The following PTPRT variants were observed in gnomAD, a reference collection of about 807,000 sequenced individuals.
The protein encoded by PTPRT is receptor-type tyrosine-protein phosphatase T.
A neutral mutation model predicts 176.8 loss-of-function variants in PTPRT; 56 were observed. The ratio of observed to expected loss-of-function variants is 0.32; its 90% CI spans 0.26 to 0.40. The LOEUF is 0.40. PTPRT is among the 10% of genes least tolerant of loss of function. The pLI is 1.00. For synonymous variants in PTPRT, 783 were observed against 739.0 expected, an observed-to-expected ratio of 1.06 and a Z score of -0.96; for missense variants, 1,540 against 1,908.2, an observed-to-expected ratio of 0.81 and a Z score of 3.60.
chr20:42,335,769 A>G (rs1349058093), intron 11 of PTPRT, among the ~76,000 whole-genome samples: 1 of 152,212 alleles, frequency 6.6e-6, no homozygotes, highest in Non-Finnish European at 1.5e-5. Context: ...GGAAAAATGT[A>G]TGAATAGTTT....
chr20:42,388,994 G>T (rs957939833), intron 9 of PTPRT, among the ~76,000 whole-genome samples: 1 of 152,172 alleles, frequency 6.6e-6, no homozygotes, highest in South Asian at 2.1e-4. Flanking sequence ...GATGAAGCTG[G>T]AAACCATCAT....
At chr20:43,111,103 A>G (rs1456776592) in intron 1 of PTPRT, among the ~76,000 whole-genome samples, 1 of 152,156 alleles carries the variant, frequency 6.6e-6, no homozygotes, top group Non-Finnish European at 1.5e-5. Flanking sequence ...AGGGTGATCC[A>G]AGGGTAGGGG....
At chr20:42,105,513 T>C (rs917030335) in intron 24 of PTPRT, among the ~76,000 whole-genome samples, 2 of 152,210 alleles carry the variant, frequency 1.3e-5, no homozygotes, top group Admixed American at 6.5e-5. Context: ...AGGCAGAAGT[T>C]GGTGTTACTT....
intron 6 of PTPRT, among the ~76,000 whole-genome samples, chr20:42,711,315 T>C (rs1405798309): frequency 6.6e-6 from 1 of 152,042 alleles, no homozygotes; most frequent in East Asian, 1.9e-4. Flanking sequence ...AAATCTCTTG[T>C]TGAAAAGTAA....
chr20:42,104,908 T>A (rs1227374355), intron 24 of PTPRT, among the ~76,000 whole-genome samples, 190 bp from the exon 25 acceptor site: 2 of 152,130 alleles, frequency 1.3e-5, no homozygotes, highest in Admixed American at 6.5e-5. Context: ...TGAGCTATGG[T>A]GGGTCTTGTT....
intron 9 of PTPRT, among the ~76,000 whole-genome samples, chr20:42,414,189 T>G (rs1029166991): frequency 3.9e-5 from 6 of 152,320 alleles, no homozygotes; most frequent in Middle Eastern, 3.4e-3. Flanking sequence ...ACTTGATGGA[T>G]GAATATCAGT....
intron 6 of PTPRT, among the ~76,000 whole-genome samples, chr20:42,744,945 C>T (rs530859102): frequency 1.3e-5 from 2 of 152,340 alleles, no homozygotes; most frequent in Admixed American, 1.3e-4. Flanking sequence ...GCAGCTGCTT[C>T]ACCACTTTAT....
At chr20:42,358,060 CT>C (rs1342744220) in intron 9 of PTPRT, among the ~76,000 whole-genome samples, 1 of 151,174 alleles carries the variant, frequency 6.6e-6, no homozygotes, top group East Asian at 2.0e-4. Context: ...AAAAGAAGAC[CT>C]CTGTGGAAAA....
At chr20:42,320,540 G>A (rs967474395) in intron 11 of PTPRT, among the ~76,000 whole-genome samples, 2 of 152,160 alleles carry the variant, frequency 1.3e-5, no homozygotes, top group Non-Finnish European at 2.9e-5. Flanking sequence ...TTTAGTCCAC[G>A]TTCTCCCAGA....
chr20:42,080,831 T>G lies in PTPRT; in HGVS notation c.*48A>C. The G allele has an allele frequency of 3.2e-6, 5 of 1,559,284 alleles. No individual in the cohort carries two copies. The highest frequency in any genetic ancestry group is 4.4e-6 in the Non-Finnish European group (5 of 1,132,210). On this transcript the variant is annotated 3_prime_UTR_variant, in exon 31 of 31. Transcript: ENST00000373187. ...TACTGCCATTCACACAAAAGGGGGC[T>G]TGGTCACAGCAGCCTCTGGACTCCG...
At chr20:42,192,305 C>A (rs1253636020) in intron 16 of PTPRT, among the ~76,000 whole-genome samples, 1 of 152,124 alleles carries the variant, frequency 6.6e-6, no homozygotes, top group South Asian at 2.1e-4. Flanking sequence ...TTTACCACCA[C>A]CCCAGCCAGC....
Position 42,956,679 on chromosome 20 carries a change from C to G in PTPRT, c.89-70747G>C, listed in dbSNP as rs574258945. 8.5e-5 allele frequency among the ~76,000 whole-genome samples: 13 copies of G among 152,248 alleles called. No homozygotes were observed. In the East Asian group the frequency reaches 1.3e-3, roughly 16 times the overall value. On this transcript the variant is annotated intron_variant, in intron 1 of 30. Coordinates refer to ENST00000373187, the MANE Select transcript of PTPRT (RefSeq NM_007050.6). ...CTAGAGCACCAAAGACTCTGCAGCT[C>G]CCACCTGGGCAGAAAGGGCAGAGGA...
At chr20:42,555,151 G>T (rs545454974) in intron 7 of PTPRT, among the ~76,000 whole-genome samples, 1 of 152,286 alleles carries the variant, frequency 6.6e-6, no homozygotes, top group East Asian at 1.9e-4. Context: ...CACTCCTGGG[G>T]ACAGATGGAA....
intron 7 of PTPRT, among the ~76,000 whole-genome samples, chr20:42,517,967 T>C (rs1323420565): frequency 6.6e-6 from 1 of 152,014 alleles, no homozygotes; most frequent in Non-Finnish European, 1.5e-5. Flanking sequence ...GTTCAAATCG[T>C]CATCCTGATA....
chr20:42,836,215 C>T lies in PTPRT; in HGVS notation c.215-44749G>A, dbSNP rs556793566. Among the ~76,000 whole-genome samples, 30 of 152,232 alleles carry T rather than the reference C, an allele frequency of 2.0e-4. No individual in the cohort carries two copies. The East Asian group carries it at 4.5e-3, about 23-fold the overall frequency. On this transcript the variant is annotated intron_variant, in intron 2 of 30. Coordinates refer to ENST00000373187, the MANE Select transcript of PTPRT (RefSeq NM_007050.6). ...AGGTGCCAGGAGCCCCTCCTCTCCC[C>T]GCCTCCCACATAGGGCCAGGCATGT...
At chr20:42,247,607 C>A (rs1362125428) in intron 14 of PTPRT, among the ~76,000 whole-genome samples, 1 of 152,110 alleles carries the variant, frequency 6.6e-6, no homozygotes, top group East Asian at 1.9e-4. Context: ...GAGCTTCAGG[C>A]TGAGGTGTTG....
chr20:43,081,187 T>A (rs2011431533), intron 1 of PTPRT, among the ~76,000 whole-genome samples: 1 of 152,216 alleles, frequency 6.6e-6, no homozygotes, highest in Admixed American at 6.5e-5. Context: ...TTTTTATAAA[T>A]CTCTGGAGCA....
chr20:43,185,261 GC>G (rs1185124700), intron 1 of PTPRT, among the ~76,000 whole-genome samples: 12 of 152,152 alleles, frequency 7.9e-5, no homozygotes, highest in Admixed American at 7.9e-4. Flanking sequence ...GAATGCCATG[GC>G]CCTTGTTTGT....
intron 1 of PTPRT, among the ~76,000 whole-genome samples, chr20:42,933,491 G>C (rs1336326883): frequency 6.6e-6 from 1 of 152,094 alleles, no homozygotes; most frequent in East Asian, 1.9e-4. Context: ...GCATGGTGCC[G>C]GGCACAAAGT....
Sources: gnomAD v4.1 joint callset for allele counts (sites outside exome capture counted in the v4.1 genomes callset) on GRCh38, gnomAD v4.1.1 for gene constraint, MANE v1.5 for transcripts, NCBI Gene and HGNC (gene_info 2026-07-23, HGNC 2026-07-21) for gene names.